The following FOXK2 variants were observed in gnomAD, a reference collection of about 807,000 sequenced individuals.
FOXK2 encodes forkhead box K2.
A neutral mutation model predicts 53.3 loss-of-function variants in FOXK2; 24 were observed. The ratio of observed to expected loss-of-function variants is 0.45; its 90% CI spans 0.33 to 0.63. FOXK2 has a LOEUF of 0.63. FOXK2 is among the 30% of genes least tolerant of loss of function. The pLI, the probability that FOXK2 is intolerant of heterozygous loss-of-function variation, is 0.03. For missense variants in FOXK2, 952 were observed against 910.5 expected (o/e 1.05, Z -0.59); for synonymous variants, 505 against 407.1 (o/e 1.24, Z -2.89).
At chr17:82,594,236 C>G (rs1308234130) in intron 8 of FOXK2, among the ~76,000 whole-genome samples, 1 of 152,218 alleles carries the variant, frequency 6.6e-6, no homozygotes, top group Non-Finnish European at 1.5e-5. Flanking sequence ...CGGCGGCTCA[C>G]ACCTGTCATC....
chr17:82,584,054 C>T lies in FOXK2; in HGVS notation c.1145C>T (p.Ala382Val). 6.2e-7 allele frequency: 1 copy of T among 1,611,344 alleles called. No individual in the cohort carries two copies. The highest frequency in any genetic ancestry group is 1.3e-5 in the African/African-American group (1 of 75,036). ...ASPNHAGVLSAHSSGAQTPES... is the reference protein window; with the variant it reads ...ASPNHAGVLSVHSSGAQTPES... ...CCCAATCACGCGGGAGTGCTGTCTG[C>T]TCACTCTAGTGGCGCCCAGACCCCT... Residue 382 changes from alanine (A) to valine (V), a missense_variant, in exon 6 of 9, where the codon GCT becomes GTT. By Grantham distance (64) the Ala-to-Val change is moderately conservative. Transcript: ENST00000335255.
chr17:82,520,423 C>T (rs1174109139), intron 1 of FOXK2, 116 bp downstream of exon 1: 2 of 894,844 alleles, frequency 2.2e-6, no homozygotes, highest in East Asian at 7.3e-5. Context: ...GACTCTCCCA[C>T]AGCCGGGACC....
intron 8 of FOXK2, among the ~76,000 whole-genome samples, chr17:82,591,830 C>T (rs2045256005): frequency 1.3e-5 from 2 of 152,234 alleles, no homozygotes; most frequent in African/African-American, 4.8e-5. Context: ...AAGCTCATCT[C>T]CTGTCTCTGG....
chr17:82,534,637 T>C (rs1443456931), intron 1 of FOXK2, among the ~76,000 whole-genome samples: 1 of 152,226 alleles, frequency 6.6e-6, no homozygotes, highest in Non-Finnish European at 1.5e-5. Flanking sequence ...TGAGATGGTC[T>C]CTAGCTCTGA....
At chr17:82,539,352 A>T (rs1270478888) in intron 1 of FOXK2, among the ~76,000 whole-genome samples, 1 of 151,562 alleles carries the variant, frequency 6.6e-6, no homozygotes, top group African/African-American at 2.4e-5. Flanking sequence ...CTGTAATCTC[A>T]GCACTGTAAG....
intron 1 of FOXK2, among the ~76,000 whole-genome samples, chr17:82,552,415 CTG>C (rs369383150): frequency 2.6e-4 from 40 of 152,248 alleles, no homozygotes; most frequent in African/African-American, 9.4e-4. Flanking sequence ...GCTATGGCAA[CTG>C]TGTCCTAATG....
chr17:82,528,010 C>G (rs1354437873), intron 1 of FOXK2, among the ~76,000 whole-genome samples: 1 of 152,074 alleles, frequency 6.6e-6, no homozygotes, highest in African/African-American at 2.4e-5. Context: ...GTTGCCCAGG[C>G]TGGTCGCAAA....
intron 1 of FOXK2, chr17:82,559,294 G>A (rs542342776): frequency 1.5e-4 from 66 of 445,444 alleles, no homozygotes; most frequent in African/African-American, 9.4e-4. Context: ...GTTGGTGCTC[G>A]CTGTTCTTCC....
intron 5 of FOXK2, among the ~76,000 whole-genome samples, chr17:82,583,418 G>A (rs749025677): frequency 3.9e-5 from 6 of 152,174 alleles, no homozygotes; most frequent in East Asian, 1.9e-4. Flanking sequence ...GCGGTGGCGC[G>A]CGCCTGTAAT....
intron 8 of FOXK2, chr17:82,595,716 T>A: frequency 8.0e-7 from 1 of 1,242,776 alleles, no homozygotes; most frequent in Non-Finnish European, 1.0e-6. Context: ...TGTGTCACTA[T>A]TCCCTGGGCC....
At position 82,582,795 on chromosome 17, in the gene FOXK2, T is replaced by A; in HGVS notation, c.964T>A (p.Ser322Thr). ...TCGTTATTTCATCAAAGTGCCGCGT[T>A]CCCAGGAAGAACCAGGCAAAGGCTC... is the stretch of plus-strand genomic sequence containing the variant. ...LNRYFIKVPR[S>T]QEEPGKGSFW... The change falls in exon 5 of 9, where the codon TCC becomes ACC. Residue 322 changes from serine (S) to threonine (T), a missense_variant. This residue lies in a region of FOXK2 where 160 missense variants were observed against 214.2 expected (regional missense o/e 0.75). Transcript: ENST00000335255. The A allele has an allele frequency of 6.2e-7, 1 of 1,610,432 alleles. No homozygotes were observed. The highest frequency in any genetic ancestry group is 1.3e-5 in the African/African-American group (1 of 74,896).
chr17:82,591,351 C>T (rs772912418), intron 8 of FOXK2, among the ~76,000 whole-genome samples: 17 of 152,134 alleles, frequency 1.1e-4, no homozygotes, highest in African/African-American at 3.1e-4. Flanking sequence ...CCCCTGGTCC[C>T]GTTGTCGCCG....
intron 1 of FOXK2, among the ~76,000 whole-genome samples, chr17:82,543,696 A>G (rs2044594815): frequency 2.0e-5 from 3 of 151,204 alleles, no homozygotes; most frequent in Admixed American, 2.0e-4. Context: ...GGCTCACTGC[A>G]GCCTTGAACT....
At chr17:82,557,706 T>A (rs2044746345) in intron 1 of FOXK2, among the ~76,000 whole-genome samples, 1 of 151,234 alleles carries the variant, frequency 6.6e-6, no homozygotes, top group African/African-American at 2.5e-5. Context: ...TAGAGTGCAG[T>A]GGTATGATCA....
In FOXK2 at chr17:82,577,766, C is replaced by T. The variant is rs544858449; in HGVS notation, c.910-4975C>T. Among the ~76,000 whole-genome samples the T allele has an allele frequency of 7.2e-5, 11 of 152,268 alleles. No individual in the cohort carries two copies. In the South Asian group the frequency reaches 2.3e-3, roughly 32 times the overall value. ...TTATTTATTTTTTTGGGGACAGAGT[C>T]TTACTCTGTTGCCCAGGCTGGAGTG... On this transcript the variant is annotated intron_variant, in intron 4 of 8. Transcript: ENST00000335255.
At chr17:82,589,033 G>A (rs1042159843) in intron 8 of FOXK2, among the ~76,000 whole-genome samples, 4 of 151,966 alleles carry the variant, frequency 2.6e-5, no homozygotes, top group African/African-American at 9.7e-5. Flanking sequence ...ACTCCAGCCC[G>A]GGCGACCGTG....
intron 1 of FOXK2, among the ~76,000 whole-genome samples, chr17:82,557,744 G>C (rs539895824): frequency 6.6e-6 from 1 of 152,242 alleles, no homozygotes; most frequent in Non-Finnish European, 1.5e-5. Flanking sequence ...AAACTCCCAG[G>C]GTCAAGCAAT....
At chr17:82,596,972 T>A (rs2045319829) in intron 8 of FOXK2, among the ~76,000 whole-genome samples, 1 of 152,134 alleles carries the variant, frequency 6.6e-6, no homozygotes, top group South Asian at 2.1e-4. Flanking sequence ...TGCTCAGAGC[T>A]CTCACGGAAC....
At chr17:82,570,792 A>G (rs1221622770) in intron 3 of FOXK2, among the ~76,000 whole-genome samples, 1 of 152,112 alleles carries the variant, frequency 6.6e-6, no homozygotes, top group Non-Finnish European at 1.5e-5. Flanking sequence ...TCCCTTTCCC[A>G]GTGGGCTCGT....
Sources: gnomAD v4.1 joint callset for allele counts (sites outside exome capture counted in the v4.1 genomes callset) on GRCh38, gnomAD v4.1.1 for gene constraint, gnomAD v4.1.1 regional missense constraint, MANE v1.5 for transcripts, NCBI Gene and HGNC (gene_info 2026-07-23, HGNC 2026-07-21) for gene names.